The following SUSD5 variants were observed in gnomAD, a reference collection of about 807,000 sequenced individuals.
The protein encoded by SUSD5 is sushi domain containing 5, also known as sushi domain-containing protein 5.
SUSD5 carries 33 observed loss-of-function variants against 29.5 expected under a neutral mutation model. That is an observed-to-expected ratio of 1.12 (90% CI 0.85 to 1.49). The LOEUF (loss-of-function observed/expected upper bound fraction) is 1.49, where lower values mean the gene tolerates loss of function less well. Ranked by LOEUF, SUSD5 falls within the 40% of genes most tolerant of loss-of-function variation. SUSD5 has a pLI of 0.00. For synonymous variants in SUSD5, 308 were observed against 325.3 expected, an observed-to-expected ratio of 0.95 and a Z score of 0.57; for missense variants, 776 against 800.6, an observed-to-expected ratio of 0.97 and a Z score of 0.37.
At chr3:33,178,614 T>C (rs1409634219) in intron 3 of SUSD5, among the ~76,000 whole-genome samples, 2 of 152,034 alleles carry the variant, frequency 1.3e-5, no homozygotes, top group Non-Finnish European at 2.9e-5. Flanking sequence ...GCCCGGCTAA[T>C]TTTTTGTATT....
At chr3:33,169,109 TA>T (rs2031367572) in intron 4 of SUSD5, among the ~76,000 whole-genome samples, 1 of 152,212 alleles carries the variant, frequency 6.6e-6, no homozygotes, top group Non-Finnish European at 1.5e-5. Flanking sequence ...ATGAAGTGTG[TA>T]AAACTATGGT....
chr3:33,151,443 C>T lies in SUSD5; in HGVS notation c.*1299G>A, dbSNP rs1413030392. 3 of 152,212 alleles carry T rather than the reference C, an allele frequency of 2.0e-5. No homozygotes were observed. The highest frequency in any genetic ancestry group is 2.0e-4 in the Admixed American group (3 of 15,282). The allele number at this position is 152,212 out of a possible 1,614,324, so 9.4% of individuals were successfully genotyped here. On this transcript the variant is annotated 3_prime_UTR_variant, in exon 5 of 5. Transcript: ENST00000309558. ...AGCTCCCAGTTTCCACACTAGAGAACAGATCAGCACAGATCATTTCATATT... is the reference window on the plus strand; with the variant it reads ...AGCTCCCAGTTTCCACACTAGAGAATAGATCAGCACAGATCATTTCATATT...
chr3:33,163,055 T>C (rs1384984182), intron 4 of SUSD5, among the ~76,000 whole-genome samples: 2 of 151,994 alleles, frequency 1.3e-5, no homozygotes, highest in South Asian at 2.1e-4. Context: ...ACTGAATCTC[T>C]CCACACACAC....
In SUSD5 at chr3:33,214,774, G is replaced by A. The variant is rs540964838; in HGVS notation, c.113-669C>T. ...AGCAGAGGTGAAAGCCCAGGCTGAA[G>A]GCAAATGAGAATTTTAAGCAAGGAA... On this transcript the variant is annotated intron_variant, in intron 1 of 4. Transcript: ENST00000309558. Among the ~76,000 whole-genome samples the A allele has an allele frequency of 2.1e-4, 32 of 152,188 alleles. 2 individuals carry two copies. In the South Asian group the frequency reaches 6.4e-3, roughly 31 times the overall value.
intron 3 of SUSD5, among the ~76,000 whole-genome samples, chr3:33,178,886 C>T (rs1337049708): frequency 6.6e-6 from 1 of 152,184 alleles, no homozygotes; most frequent in Non-Finnish European, 1.5e-5. Context: ...AGTGAACCCT[C>T]TGGGCTTGAT....
At chr3:33,181,198 C>T (rs1575535358) in intron 3 of SUSD5, among the ~76,000 whole-genome samples, 1 of 151,966 alleles carries the variant, frequency 6.6e-6, no homozygotes, top group Admixed American at 6.6e-5. Flanking sequence ...TTAGTGTAGT[C>T]TAAGTGTACA....
chr3:33,187,515 G>A (rs1351525801), intron 3 of SUSD5, among the ~76,000 whole-genome samples: 1 of 152,126 alleles, frequency 6.6e-6, no homozygotes, highest in Non-Finnish European at 1.5e-5. Flanking sequence ...CTCATATCCA[G>A]GTGCAACTTG....
chr3:33,164,429 A>C (rs1466831202), intron 4 of SUSD5, among the ~76,000 whole-genome samples: 3 of 152,222 alleles, frequency 2.0e-5, no homozygotes, highest in Admixed American at 2.0e-4. Flanking sequence ...AACAATGTGA[A>C]TATGCTTAAC....
chr3:33,184,562 TATA>T (rs1232471583), intron 3 of SUSD5, among the ~76,000 whole-genome samples: 15 of 152,192 alleles, frequency 9.9e-5, no homozygotes, highest in African/African-American at 3.6e-4. Context: ...ATGTGTGTGT[TATA>T]ATTTTTGTGG....
chr3:33,211,753 A>C (rs948547167), intron 2 of SUSD5, among the ~76,000 whole-genome samples: 9 of 152,214 alleles, frequency 5.9e-5, no homozygotes, highest in Admixed American at 2.6e-4. Flanking sequence ...ATGACTAAAG[A>C]AGTGTTTATT....
In SUSD5 at chr3:33,152,802, C is replaced by T. The variant is rs778671129; in HGVS notation, c.1830G>A (p.Leu610=). 1.2e-6 allele frequency: 2 copies of T among 1,613,944 alleles called. No homozygotes were observed. Residue 610 remains leucine, a synonymous_variant, in exon 5 of 5, where the codon CTG becomes CTA. Transcript: ENST00000309558. ...KCQHKSSVYK[L]NVGQRQARHY... ...GCCGAGCCTGCCGCTGGCCAACATT[C>T]AGCTTGTACACAGAGCTCTTGTGCT...
intron 4 of SUSD5, among the ~76,000 whole-genome samples, chr3:33,170,561 C>T (rs991017439): frequency 4.6e-5 from 7 of 152,156 alleles, no homozygotes; most frequent in African/African-American, 1.2e-4. Context: ...ACAGCCTGGT[C>T]GGCGTGTGGC....
chr3:33,166,616 C>T (rs1175087805), intron 4 of SUSD5, among the ~76,000 whole-genome samples: 1 of 152,134 alleles, frequency 6.6e-6, no homozygotes, highest in African/African-American at 2.4e-5. Flanking sequence ...GGGCATGTCC[C>T]CCCTGCCTTT....
chr3:33,190,812 A>C (rs911162134), intron 3 of SUSD5, among the ~76,000 whole-genome samples: 3 of 152,172 alleles, frequency 2.0e-5, no homozygotes, highest in Non-Finnish European at 2.9e-5. Context: ...TTCATTAAGC[A>C]GAGAAGATTT....
rs68055129 is a variant in SUSD5, at chr3:33,183,930, C to CTTTTTTTTTTTTTTTTTTTTTTT, written c.410-8879_410-8857dup. Among the ~76,000 whole-genome samples, 143 of 62,578 alleles carry CTTTTTTTTTTTTTTTTTTTTTTT rather than the reference C, an allele frequency of 2.3e-3. 14 individuals carry two copies. Among genetic ancestry groups the CTTTTTTTTTTTTTTTTTTTTTTT allele is most frequent in the Middle Eastern group, 0.014 (1 of 70 alleles). The allele number at this position is 62,578 out of a possible 152,430, so 41.1% of individuals were successfully genotyped here. On this transcript the variant is annotated intron_variant, in intron 3 of 4. Transcript: ENST00000309558. The stretch of plus-strand genomic sequence containing the variant: ...AACACTTTAAATATTTTATTACCCT[C>CTTTTTTTTTTTTTTTTTTTTTTT]TTTTTTTTTTTTTTTTTTTTTTTTT...
At chr3:33,205,055 C>T (rs899936869) in intron 3 of SUSD5, among the ~76,000 whole-genome samples, 1 of 151,846 alleles carries the variant, frequency 6.6e-6, no homozygotes, top group Non-Finnish European at 1.5e-5. Flanking sequence ...ATCTATAATT[C>T]TTTTTTGAAC....
chr3:33,214,340 C>T (rs1331308323), intron 1 of SUSD5, among the ~76,000 whole-genome samples: 1 of 108,030 alleles, frequency 9.3e-6, no homozygotes, highest in Non-Finnish European at 1.7e-5. Flanking sequence ...CCAAAATTAA[C>T]CATCTGCTCT....
rs538745211 is a variant in SUSD5 at position 33,167,145 on chromosome 3, C to T, written c.598+7741G>A. Among the ~76,000 whole-genome samples the T allele has an allele frequency of 2.9e-4, 44 of 151,964 alleles. No individual in the cohort carries two copies. The highest frequency in any genetic ancestry group is 1.0e-3 in the African/African-American group (43 of 41,442). On this transcript the variant is annotated intron_variant, in intron 4 of 4. Transcript: ENST00000309558. This position sits in a 1 kb window ranked among gnomAD's most constrained non-coding sequence, Gnocchi z 4.1. Reference sequence around the variant, plus strand: ...AGTGAGCCGAGATCACACCACTGCACTCCAGCCTGGGCAACAAGAGCGAGA... The same window carrying T: ...AGTGAGCCGAGATCACACCACTGCATTCCAGCCTGGGCAACAAGAGCGAGA...
chr3:33,191,316 G>C (rs931360448), intron 3 of SUSD5, among the ~76,000 whole-genome samples: 4 of 151,922 alleles, frequency 2.6e-5, no homozygotes, highest in African/African-American at 9.7e-5. Flanking sequence ...TTTTTTAGTA[G>C]AGACAAGGTT....
Sources: allele counts gnomAD v4.1 joint callset (sites outside exome capture counted in the v4.1 genomes callset), GRCh38; gene constraint gnomAD v4.1.1; non-coding constraint Gnocchi (gnomAD v3.1); transcripts MANE v1.5; gene names NCBI Gene and HGNC (gene_info 2026-07-23, HGNC 2026-07-21).